The following REEP2 variants were observed in gnomAD, a reference collection of about 807,000 sequenced individuals.
The protein encoded by REEP2 is receptor accessory protein 2, also known as receptor expression-enhancing protein 2.
Under a neutral mutation model 32.1 loss-of-function variants are expected in REEP2, and 9 were observed. The observed-to-expected ratio is 0.28, with a 90% CI of 0.17 to 0.49. The LOEUF (loss-of-function observed/expected upper bound fraction) is 0.49, where lower values mean the gene tolerates loss of function less well. REEP2 is among the 20% of genes least tolerant of loss of function. The pLI, the probability that REEP2 is intolerant of heterozygous loss-of-function variation, is 0.99. For missense variants in REEP2, 236 were observed against 338.0 expected (o/e 0.70, Z 2.37); for synonymous variants, 128 against 139.1 (o/e 0.92, Z 0.56).
At position 138,446,029 on chromosome 5, in the gene REEP2, C is replaced by T. The variant is rs1015557082; in HGVS notation, c.*278C>T. ...GACTGCTCGGCCTCCACCGCTGTTC[C>T]GCTGCAGCCCCGCCCTGCCCCACCC... On this transcript the variant is annotated 3_prime_UTR_variant, in exon 8 of 8. Transcript: ENST00000378339. 7 of 471,030 alleles carry T rather than the reference C, an allele frequency of 1.5e-5. No individual in the cohort carries two copies. The highest frequency in any genetic ancestry group is 3.8e-5 in the Admixed American group (1 of 26,198). 29.2% of individuals were successfully genotyped at this position (471,030 alleles called of 1,614,324 possible). A position where few individuals can be genotyped will look rare whatever the true frequency, so the allele number is the denominator to read the frequency against.
intron 1 of REEP2, chr5:138,439,635 G>A: frequency 2.1e-6 from 1 of 467,690 alleles, no homozygotes; most frequent in South Asian, 1.5e-5. Flanking sequence ...GAGGTAACAG[G>A]GTGATGGAAG....
chr5:138,440,311 C>A (rs1415477058), intron 1 of REEP2, among the ~76,000 whole-genome samples: 1 of 152,248 alleles, frequency 6.6e-6, no homozygotes, highest in African/African-American at 2.4e-5. Context: ...AATGGAGGGG[C>A]CTCACGCCTC....
At chr5:138,440,370 A>G (rs564667754) in intron 1 of REEP2, among the ~76,000 whole-genome samples, 3 of 152,324 alleles carry the variant, frequency 2.0e-5, no homozygotes, top group Admixed American at 2.0e-4. Context: ...GCAAGCCCCA[A>G]AGGGCATCGG....
In REEP2 at chr5:138,444,890, C is replaced by T. The variant is rs780196837; in HGVS notation, c.417+23C>T. 13 of 1,562,568 alleles carry T rather than the reference C, an allele frequency of 8.3e-6. No homozygotes were observed. The South Asian group carries it at 1.3e-4, about 15-fold the overall frequency. The stretch of plus-strand genomic sequence containing the variant: ...AAGGTGAGATGGGGGCAGGCTCAGA[C>T]TCCCAGGGCCCCTACCTTGTACAAA... On this transcript the variant is annotated intron_variant, in intron 5 of 7. Transcript: ENST00000378339.
rs117145648 is a variant in REEP2 at position 138,443,078 on chromosome 5, C to A, written c.183-1337C>A. 3.6e-3 allele frequency among the ~76,000 whole-genome samples: 543 copies of A among 151,930 alleles called. 19 individuals carry two copies. In the East Asian group the frequency reaches 0.087, roughly 24 times the overall value. ...GGGCATGGTGGCTCCTGCTTGTAAT[C>A]CTGGCACTTTGGGAAGCCAAGGCAG... On this transcript the variant is annotated intron_variant, in intron 3 of 7. Coordinates refer to ENST00000378339, the MANE Select transcript of REEP2 (RefSeq NM_001271803.2).
intron 3 of REEP2, among the ~76,000 whole-genome samples, chr5:138,443,227 A>AGG (rs200715004): frequency 6.6e-6 from 1 of 151,920 alleles, no homozygotes; most frequent in Non-Finnish European, 1.5e-5. Flanking sequence ...TGGGAGGCCA[A>AGG]GGGGGGGCAG....
intron 4 of REEP2, 48 bp downstream of exon 4, chr5:138,444,583 C>G (rs949557095): frequency 1.9e-6 from 3 of 1,607,122 alleles, no homozygotes; most frequent in Admixed American, 1.7e-5. Flanking sequence ...CCAGCCAAGG[C>G]AGTCCAGAGC....
chr5:138,439,803 T>C (rs1349794021), intron 1 of REEP2: 1 of 455,460 alleles, frequency 2.2e-6, no homozygotes, highest in Non-Finnish European at 4.4e-6. Flanking sequence ...GAAGCAGAAA[T>C]GCTCGGAGGA....
In REEP2 at chr5:138,440,996, A is replaced by G. The variant is rs1418126966; in HGVS notation, c.33-20A>G. On this transcript the variant is annotated intron_variant, in intron 1 of 7. Coordinates refer to ENST00000378339, the MANE Select transcript of REEP2 (RefSeq NM_001271803.2). ...ACTGCCCTTGGCTGAGAGGCCCAGTAACCATGCCTGCCTCCCTAGGCTCAT... is the reference window on the plus strand; with the variant it reads ...ACTGCCCTTGGCTGAGAGGCCCAGTGACCATGCCTGCCTCCCTAGGCTCAT... 6.2e-7 allele frequency: 1 copy of G among 1,611,146 alleles called. No individual in the cohort carries two copies. Among genetic ancestry groups the G allele is most frequent in the East Asian group, 2.2e-5 (1 of 44,874 alleles).
In REEP2 at chr5:138,439,198, C is replaced by T. The variant is rs754082279; in HGVS notation, c.-11C>T. 151 of 1,365,668 alleles carry T rather than the reference C, an allele frequency of 1.1e-4. No homozygotes were observed. Among genetic ancestry groups the T allele is most frequent in the Non-Finnish European group, 1.2e-4 (131 of 1,061,296 alleles). The allele number at this position is 1,365,668 out of a possible 1,614,324, so 84.6% of individuals were successfully genotyped here. A position where few individuals can be genotyped will look rare whatever the true frequency, so the allele number is the denominator to read the frequency against. On this transcript the variant is annotated 5_prime_UTR_variant, in exon 1 of 8. Coordinates refer to ENST00000378339, the MANE Select transcript of REEP2 (RefSeq NM_001271803.2). ...GCCGGGTCCCCGCCCCGCGCCGCGC[C>T]CGGCCCCGCCATGGTGTCCTGGATC...
chr5:138,439,888 G>T (rs1763790366), intron 1 of REEP2: 1 of 394,600 alleles, frequency 2.5e-6, no homozygotes, highest in Non-Finnish European at 5.1e-6. Flanking sequence ...GGGGGAGGAC[G>T]CTCCGTGGCC....
At chr5:138,445,627 A>C in intron 7 of REEP2, 29 bp downstream of exon 7, 1 of 1,614,138 alleles carries the variant, frequency 6.2e-7, no homozygotes, top group African/African-American at 1.3e-5. Flanking sequence ...GCTTGGGGAA[A>C]CAGGCAGGGG....
At chr5:138,444,623 G>C in intron 4 of REEP2, 88 bp downstream of exon 4, 1 of 1,579,940 alleles carries the variant, frequency 6.3e-7, no homozygotes, top group Non-Finnish European at 8.6e-7. Context: ...GGCCCTCCCT[G>C]TGGGGCCCAG....
Position 138,445,960 on chromosome 5 carries a change from A to C in REEP2, c.*209A>C. The C allele has an allele frequency of 1.7e-6, 1 of 598,204 alleles. No individual in the cohort carries two copies. Among genetic ancestry groups the C allele is most frequent in the South Asian group, 2.1e-5 (1 of 47,790 alleles). 37.1% of individuals were successfully genotyped at this position (598,204 alleles called of 1,614,324 possible). A position where few individuals can be genotyped will look rare whatever the true frequency, so the allele number is the denominator to read the frequency against. ...GCCCAGCTGTGGGGGTTGAGGGTAG[A>C]GGGTGGACCAGAGGCTGAGGACTGA... On this transcript the variant is annotated 3_prime_UTR_variant, in exon 8 of 8. Transcript: ENST00000378339.
rs528903885 is a variant in REEP2, at chr5:138,446,148, A to T, written c.*397A>T. The T allele has an allele frequency of 2.1e-4, 40 of 192,656 alleles. No homozygotes were observed. Among genetic ancestry groups the T allele is most frequent in the African/African-American group, 9.3e-4 (40 of 42,828 alleles). 11.9% of individuals were successfully genotyped at this position (192,656 alleles called of 1,614,324 possible). On this transcript the variant is annotated 3_prime_UTR_variant, in exon 8 of 8. Coordinates refer to ENST00000378339, the MANE Select transcript of REEP2 (RefSeq NM_001271803.2). Reference sequence around the variant, plus strand: ...CTTGGTTTGGGAGCAGGGAGGGGGAAGTCCTAGCCCAGATGGACCAAGGAC... The same window carrying T: ...CTTGGTTTGGGAGCAGGGAGGGGGATGTCCTAGCCCAGATGGACCAAGGAC...
intron 3 of REEP2, among the ~76,000 whole-genome samples, chr5:138,443,366 A>G (rs1266922390): frequency 4.7e-5 from 7 of 150,424 alleles, no homozygotes; most frequent in Non-Finnish European, 1.0e-4. Flanking sequence ...AGGCTGAGGC[A>G]GAAGAATTGC....
At position 138,445,089 on chromosome 5, in the gene REEP2, T is replaced by C. The variant is rs963081322; in HGVS notation, c.418-139T>C. 7 of 1,031,196 alleles carry C rather than the reference T, an allele frequency of 6.8e-6. No homozygotes were observed. The African/African-American group carries it at 1.1e-4, about 16-fold the overall frequency. The allele number at this position is 1,031,196 out of a possible 1,614,324, so 63.9% of individuals were successfully genotyped here. ...GCAAAGTGTGGCCCTGCCCCAGCCC[T>C]CAGCTCTGTCTGTGTGGGACTGGGT... On this transcript the variant is annotated intron_variant, in intron 5 of 7. Coordinates refer to ENST00000378339, the MANE Select transcript of REEP2 (RefSeq NM_001271803.2).
Position 138,441,523 on chromosome 5 carries a change from C to A in REEP2, c.182+62C>A. ...AGGGCCTCTGCCTTTCTCTACCCAG[C>A]CAGCCAAACAAAAGACTGGGCCTGG... On this transcript the variant is annotated intron_variant, in intron 3 of 7. Transcript: ENST00000378339. The surrounding 1 kb of genome is among the most constrained non-coding windows in gnomAD (Gnocchi z 4.4). 1 of 1,448,044 alleles carries A rather than the reference C, an allele frequency of 6.9e-7. No homozygotes were observed. Among genetic ancestry groups the A allele is most frequent in the East Asian group, 2.3e-5 (1 of 44,018 alleles). The allele number at this position is 1,448,044 out of a possible 1,614,324, so 89.7% of individuals were successfully genotyped here.
Position 138,439,550 on chromosome 5 carries a change from C to A in REEP2, c.32+310C>A, listed in dbSNP as rs368818389. ...GCACGGCTTGATTTAAAAGGGGAGG[C>A]AGGCGCGTCCCCTCCCCCACCTAGC... On this transcript the variant is annotated intron_variant, in intron 1 of 7. Transcript: ENST00000378339. 3.5e-4 allele frequency: 177 copies of A among 500,924 alleles called. No homozygotes were observed. In the East Asian group the frequency reaches 6.3e-3, roughly 18 times the overall value. The allele number at this position is 500,924 out of a possible 1,614,324, so 31.0% of individuals were successfully genotyped here.
Sources: allele counts gnomAD v4.1 joint callset (sites outside exome capture counted in the v4.1 genomes callset), GRCh38; gene constraint gnomAD v4.1.1; non-coding constraint Gnocchi (gnomAD v3.1); transcripts MANE v1.5; gene names NCBI Gene and HGNC (gene_info 2026-07-23, HGNC 2026-07-21).